Variants in NLRC5 observed in about 807,000 individuals in gnomAD.
NLRC5 encodes the protein protein NLRC5.
In NLRC5, 114 loss-of-function variants were observed where a neutral mutation model predicts 206.9. The observed-to-expected ratio is 0.55, with a 90% CI of 0.47 to 0.64. The LOEUF (loss-of-function observed/expected upper bound fraction) is 0.64. NLRC5 is among the 30% of genes least tolerant of loss of function. NLRC5 has a pLI of 0.00. For synonymous variants in NLRC5, 952 were observed against 962.8 expected (o/e 0.99, Z 0.21); for missense variants, 2,008 against 2,305.5 (o/e 0.87, Z 2.64).
At chr16:57,046,175 C>T (rs2063944431) in intron 21 of NLRC5, among the ~76,000 whole-genome samples, 1 of 152,190 alleles carries the variant, frequency 6.6e-6, no homozygotes, top group Non-Finnish European at 1.5e-5. Context: ...TCTGGGGAAC[C>T]CCCGGGTTCT....
intron 4 of NLRC5, among the ~76,000 whole-genome samples, chr16:57,023,538 C>T (rs2060904883): frequency 6.6e-6 from 1 of 152,170 alleles, no homozygotes; most frequent in Admixed American, 6.5e-5. Flanking sequence ...CTTCCTGCAT[C>T]CTGGACTGCA....
chr16:57,009,023 T>C (rs1201141327), intron 1 of NLRC5, among the ~76,000 whole-genome samples: 2 of 152,150 alleles, frequency 1.3e-5, no homozygotes, highest in African/African-American at 4.8e-5. Context: ...CCGTGCACGG[T>C]GGCTCACGCC....
intron 1 of NLRC5, among the ~76,000 whole-genome samples, chr16:56,999,162 G>A (rs373425364): frequency 6.6e-5 from 10 of 152,192 alleles, no homozygotes; most frequent in Middle Eastern, 3.4e-3. Context: ...CATTCACTAC[G>A]GCTCCTCCCT....
chr16:57,046,202 G>C (rs1283901084), intron 21 of NLRC5, among the ~76,000 whole-genome samples: 2 of 152,244 alleles, frequency 1.3e-5, no homozygotes, highest in Non-Finnish European at 2.9e-5. Flanking sequence ...CCAAAGAACT[G>C]ACGTACAGGG....
chr16:57,000,575 C>G (rs988674517), intron 1 of NLRC5, among the ~76,000 whole-genome samples: 7 of 152,180 alleles, frequency 4.6e-5, no homozygotes, highest in Admixed American at 3.3e-4. Flanking sequence ...CTCCTCGACT[C>G]TAGCTGGTGA....
intron 15 of NLRC5, 108 bp downstream of exon 15, chr16:57,037,392 G>T (rs1472243792): frequency 2.0e-6 from 2 of 993,392 alleles, no homozygotes; most frequent in African/African-American, 1.6e-5. Context: ...AGAAGATGCT[G>T]CTGCTGTCCC....
intron 1 of NLRC5, among the ~76,000 whole-genome samples, chr16:56,996,190 A>G (rs74931918): frequency 6.6e-6 from 1 of 151,674 alleles, no homozygotes; most frequent in Non-Finnish European, 1.5e-5. Context: ...TTTTTTCTAG[A>G]CAAGGTCTCA....
chr16:57,064,676 C>G (rs1472645193), intron 32 of NLRC5, among the ~76,000 whole-genome samples: 1 of 152,222 alleles, frequency 6.6e-6, no homozygotes, highest in Non-Finnish European at 1.5e-5. Context: ...GTAATCCCAG[C>G]ACTTTGGGAG....
At chr16:56,989,809 C>CGCGCACAGCATGCGCCCCGGCAGT (rs2056577155) in intron 1 of NLRC5, among the ~76,000 whole-genome samples, 192 bp downstream of exon 1, 1 of 152,168 alleles carries the variant, frequency 6.6e-6, no homozygotes, top group Non-Finnish European at 1.5e-5. Flanking sequence ...GGCCCGGCAG[C>CGCGCACAGCATGCGCCCCGGCAGT]GCGCACAGCA....
At chr16:57,073,102 G>A (rs2067973447) in intron 38 of NLRC5, among the ~76,000 whole-genome samples, 1 of 152,176 alleles carries the variant, frequency 6.6e-6, no homozygotes, top group South Asian at 2.1e-4. Context: ...GCTCATTCAT[G>A]CATTCGACAA....
At chr16:57,055,375 AG>A (rs2065492254) in intron 26 of NLRC5, 57 bp from the exon 27 acceptor site, 1 of 1,522,374 alleles carries the variant, frequency 6.6e-7, no homozygotes, top group Admixed American at 1.7e-5. Flanking sequence ...GCCAGGCCGG[AG>A]GGGGTCTCAG....
chr16:56,991,287 C>T (rs545345437), intron 1 of NLRC5, among the ~76,000 whole-genome samples: 3 of 152,040 alleles, frequency 2.0e-5, no homozygotes, highest in East Asian at 3.9e-4. Context: ...TCCACAGGGC[C>T]GGGTCAGCCT....
chr16:57,033,785 G>T, intron 12 of NLRC5, 116 bp downstream of exon 12: 1 of 968,916 alleles, frequency 1.0e-6, no homozygotes, highest in East Asian at 2.6e-5. Flanking sequence ...GACAGGGAAA[G>T]GATTAGCCGG....
At chr16:57,045,890 G>A (rs1418728401) in intron 21 of NLRC5, among the ~76,000 whole-genome samples, 2 of 152,200 alleles carry the variant, frequency 1.3e-5, no homozygotes, top group African/African-American at 4.8e-5. Flanking sequence ...AGGGGCCGTG[G>A]GTGCTCTGAA....
intron 38 of NLRC5, among the ~76,000 whole-genome samples, chr16:57,071,926 C>T (rs532237938): frequency 7.9e-5 from 12 of 152,080 alleles, no homozygotes; most frequent in East Asian, 5.8e-4. Flanking sequence ...CACAAACCGC[C>T]ATGTTTCTGG....
At chr16:57,055,850 C>T (rs1420486804) in intron 27 of NLRC5, among the ~76,000 whole-genome samples, 1 of 152,146 alleles carries the variant, frequency 6.6e-6, no homozygotes, top group Non-Finnish European at 1.5e-5. Context: ...TTAAAAGTAC[C>T]GGATGACTCT....
At chr16:57,056,812 C>T (rs1268862934) in intron 27 of NLRC5, among the ~76,000 whole-genome samples, 1 of 151,946 alleles carries the variant, frequency 6.6e-6, no homozygotes, top group Non-Finnish European at 1.5e-5. Flanking sequence ...GCATGAGCCA[C>T]CATGCCTGGC....
chr16:57,055,238 A>C lies in NLRC5; in HGVS notation c.3659+144A>C. On this transcript the variant is annotated intron_variant, in intron 26 of 48. Coordinates refer to ENST00000688547, the MANE Select transcript of NLRC5 (RefSeq NM_001384950.1). ...CCCTGCAGAGGGACTTGTTTCACCC[A>C]GCATGAAGAAACACAGGTCCGGGTG... 6 of 981,784 alleles carry C rather than the reference A, an allele frequency of 6.1e-6. 1 individual carries two copies. Among genetic ancestry groups the C allele is most frequent in the South Asian group, 5.6e-5 (4 of 71,890 alleles). The allele number at this position is 981,784 out of a possible 1,614,324, so 60.8% of individuals were successfully genotyped here. A position where few individuals can be genotyped will look rare whatever the true frequency, so the allele number is the denominator to read the frequency against.
At position 57,046,554 on chromosome 16, in the gene NLRC5, A is replaced by G. The variant is rs765872606; in HGVS notation, c.3251A>G (p.Asp1084Gly). 30 of 1,613,234 alleles carry G rather than the reference A, an allele frequency of 1.9e-5. No homozygotes were observed. The highest frequency in any genetic ancestry group is 2.5e-5 in the Non-Finnish European group (30 of 1,179,500). ...TTTCTAAATGATCCCCCTCCTAGGG[A>G]TATGTGGGCCACTGGATCTTTGCCA... ...ILLRGDKTSR[D>G]MWATGSLPDF... The change falls in exon 22 of 49, where the codon GAT (aspartate) becomes GGT (glycine). Residue 1084 changes from aspartate (D) to glycine (G), a missense_variant and splice_region_variant. Transcript: ENST00000688547.
Sources: allele counts gnomAD v4.1 joint callset (sites outside exome capture counted in the v4.1 genomes callset), GRCh38; gene constraint gnomAD v4.1.1; transcripts MANE v1.5; gene names NCBI Gene and HGNC (gene_info 2026-07-23, HGNC 2026-07-21).